GRID1: variants seen among roughly 807,000 people sequenced by gnomAD.
The protein encoded by GRID1 is glutamate receptor ionotropic, delta-1.
In GRID1, 28 loss-of-function variants were observed where a neutral mutation model predicts 98.0. The observed-to-expected ratio is 0.29, with a 90% CI of 0.21 to 0.39. The LOEUF is 0.39. Among genes scored for constraint, GRID1 ranks in the 10% least tolerant of loss-of-function variants. The probability of loss-of-function intolerance (pLI) is 1.00; values close to 1 mark genes in which losing one functional copy is unlikely to be tolerated. For missense variants in GRID1, 1,111 were observed against 1,340.5 expected, an observed-to-expected ratio of 0.83 and a Z score of 2.67; for synonymous variants, 553 against 538.5, an observed-to-expected ratio of 1.03 and a Z score of -0.37.
intron 2 of GRID1, among the ~76,000 whole-genome samples, chr10:86,295,667 C>CT (rs899639708): frequency 4.6e-5 from 7 of 151,668 alleles, no homozygotes; most frequent in African/African-American, 9.7e-5. Context: ...CGTGGGTGTT[C>CT]TTTTTTTTTC....
Position 85,856,018 on chromosome 10 carries a change from C to T in GRID1, c.1113+11G>A. 1 of 1,612,628 alleles carries T rather than the reference C, an allele frequency of 6.2e-7. No homozygotes were observed. Among genetic ancestry groups the T allele is most frequent in the Non-Finnish European group, 8.5e-7 (1 of 1,179,682 alleles). ...TCTTTGGCCAGGTTGGGGGTGCCCC[C>T]TCACACGTACCTTTTTGATGGTATC... On this transcript the variant is annotated intron_variant, in intron 7 of 15. Transcript: ENST00000327946.
At chr10:85,609,831 A>C (rs1484437908) in intron 15 of GRID1, among the ~76,000 whole-genome samples, 1 of 152,176 alleles carries the variant, frequency 6.6e-6, no homozygotes, top group African/African-American at 2.4e-5. Context: ...TGAATATTTT[A>C]TTCTCAGAGC....
intron 2 of GRID1, among the ~76,000 whole-genome samples, chr10:86,302,074 C>A (rs147816881): frequency 6.6e-6 from 1 of 152,326 alleles, no homozygotes; most frequent in East Asian, 1.9e-4. Flanking sequence ...GTGCTAAAAG[C>A]CTCACTTGGC....
At chr10:85,699,190 T>G (rs558624878) in intron 12 of GRID1, among the ~76,000 whole-genome samples, 3 of 152,192 alleles carry the variant, frequency 2.0e-5, no homozygotes, top group African/African-American at 7.2e-5. Flanking sequence ...GTAGCTGGAA[T>G]CACAAGCATG....
Position 86,030,291 on chromosome 10 carries a change from T to G in GRID1, c.726+108528A>C, listed in dbSNP as rs554097442. Among the ~76,000 whole-genome samples the G allele has an allele frequency of 4.7e-4, 71 of 152,348 alleles. 1 individual carries two copies. The South Asian group carries it at 0.015, about 31-fold the overall frequency. On this transcript the variant is annotated intron_variant, in intron 4 of 15. Coordinates refer to ENST00000327946, the MANE Select transcript of GRID1 (RefSeq NM_017551.3). ...GGATATTTAGGACAAGACAGAAGGT[T>G]TAAGCATGTCTTAGATGGTCTGTGG...
At chr10:85,853,375 C>T (rs922883092) in intron 8 of GRID1, among the ~76,000 whole-genome samples, 5 of 152,188 alleles carry the variant, frequency 3.3e-5, no homozygotes, top group African/African-American at 1.2e-4. Flanking sequence ...TTATTACTTG[C>T]GAGGACTGTC....
At chr10:85,978,134 G>A (rs1842497507) in intron 4 of GRID1, among the ~76,000 whole-genome samples, 1 of 152,198 alleles carries the variant, frequency 6.6e-6, no homozygotes, top group Non-Finnish European at 1.5e-5. Context: ...TGGTCCCGCA[G>A]TGGACATTTT....
chr10:86,295,662 G>A (rs1239120637), intron 2 of GRID1, among the ~76,000 whole-genome samples: 1 of 152,204 alleles, frequency 6.6e-6, no homozygotes, highest in East Asian at 1.9e-4. Flanking sequence ...GGTCACGTGG[G>A]TGTTCTTTTT....
intron 5 of GRID1, among the ~76,000 whole-genome samples, chr10:85,905,550 T>C (rs1258852178): frequency 6.6e-6 from 1 of 152,176 alleles, no homozygotes; most frequent in Non-Finnish European, 1.5e-5. Flanking sequence ...ACATAATAAC[T>C]ATGTATTTTT....
intron 8 of GRID1, among the ~76,000 whole-genome samples, chr10:85,828,470 G>A (rs1450500482): frequency 6.6e-6 from 1 of 151,970 alleles, no homozygotes; most frequent in African/African-American, 2.4e-5. Flanking sequence ...AAACCGAGAT[G>A]TGAAAAACCA....
At chr10:86,198,832 G>C (rs999274980) in intron 3 of GRID1, among the ~76,000 whole-genome samples, 1 of 152,116 alleles carries the variant, frequency 6.6e-6, no homozygotes, top group African/African-American at 2.4e-5. Context: ...ACTGCCATGA[G>C]GGAAGAATGT....
chr10:85,658,281 C>T (rs183853302), intron 12 of GRID1, among the ~76,000 whole-genome samples: 1 of 152,306 alleles, frequency 6.6e-6, no homozygotes, highest in Non-Finnish European at 1.5e-5. Flanking sequence ...GCTTCTCCAG[C>T]AGTCACTTGA....
At chr10:85,886,530 G>A (rs1841120215) in intron 5 of GRID1, among the ~76,000 whole-genome samples, 1 of 152,060 alleles carries the variant, frequency 6.6e-6, no homozygotes, top group South Asian at 2.1e-4. Context: ...CTCCAAATAC[G>A]AGATCTCAAA....
intron 4 of GRID1, among the ~76,000 whole-genome samples, chr10:85,959,469 G>A (rs891344159): frequency 6.6e-6 from 1 of 152,220 alleles, no homozygotes; most frequent in Non-Finnish European, 1.5e-5. Flanking sequence ...CCCACCTGCT[G>A]ATCCTGATGG....
intron 12 of GRID1, among the ~76,000 whole-genome samples, chr10:85,678,006 G>A (rs1394967032): frequency 1.3e-5 from 2 of 152,132 alleles, no homozygotes; most frequent in Admixed American, 6.5e-5. Context: ...ACATGTACAG[G>A]CAGGATGCTG....
chr10:85,723,247 T>A, intron 11 of GRID1, 106 bp from the exon 12 acceptor site: 1 of 1,147,590 alleles, frequency 8.7e-7, no homozygotes, highest in Non-Finnish European at 1.2e-6. Context: ...TCACTCGTGA[T>A]GGGCTGGAAC....
intron 4 of GRID1, among the ~76,000 whole-genome samples, chr10:86,124,877 C>A (rs1330781358): frequency 6.6e-6 from 1 of 152,204 alleles, no homozygotes; most frequent in Non-Finnish European, 1.5e-5. Flanking sequence ...GTCCCAGGCT[C>A]TGGAGAGCCC....
At chr10:86,140,549 T>C (rs1254073130) in intron 3 of GRID1, among the ~76,000 whole-genome samples, 1 of 152,248 alleles carries the variant, frequency 6.6e-6, no homozygotes, top group African/African-American at 2.4e-5. Context: ...ACAGGAGCCA[T>C]CATGGGGAAC....
intron 2 of GRID1, among the ~76,000 whole-genome samples, chr10:86,211,418 C>A (rs1452905778): frequency 3.9e-5 from 6 of 152,218 alleles, no homozygotes; most frequent in Non-Finnish European, 7.3e-5. Flanking sequence ...AGCCCCCCCA[C>A]CTGCACCCTG....
Sources: gnomAD v4.1 joint callset for allele counts (sites outside exome capture counted in the v4.1 genomes callset) on GRCh38, gnomAD v4.1.1 for gene constraint, MANE v1.5 for transcripts, NCBI Gene and HGNC (gene_info 2026-07-23, HGNC 2026-07-21) for gene names.